SPATA17: variants seen among roughly 807,000 people sequenced by gnomAD.
SPATA17 encodes the protein spermatogenesis associated 17.
In SPATA17, 53 loss-of-function variants were observed where a neutral mutation model predicts 62.2. The observed-to-expected ratio is 0.85, with a 90% CI of 0.68 to 1.07. SPATA17 has a LOEUF of 1.07. SPATA17 is among the 50% of genes least tolerant of loss of function. The probability of loss-of-function intolerance (pLI) is 0.00; values close to 1 mark genes in which losing one functional copy is unlikely to be tolerated. For synonymous variants in SPATA17, 146 were observed against 146.8 expected (o/e 0.99, Z 0.04); for missense variants, 466 against 425.5 (o/e 1.10, Z -0.84).
chr1:217,829,767 C>A (rs979297818), intron 9 of SPATA17, among the ~76,000 whole-genome samples: 1 of 149,468 alleles, frequency 6.7e-6, no homozygotes, highest in Non-Finnish European at 1.5e-5. Context: ...ATTGGGGTGG[C>A]GAGAGAAATA....
chr1:217,791,661 T>G (rs1673996866), intron 8 of SPATA17, among the ~76,000 whole-genome samples: 1 of 152,272 alleles, frequency 6.6e-6, no homozygotes, highest in South Asian at 2.1e-4. Context: ...TGAGAATATG[T>G]ACTTTTAGTA....
At chr1:217,836,234 C>A (rs1675256055) in intron 9 of SPATA17, among the ~76,000 whole-genome samples, 1 of 152,136 alleles carries the variant, frequency 6.6e-6, no homozygotes, top group South Asian at 2.1e-4. Flanking sequence ...AAACTTTTTT[C>A]ACCAAACAGC....
intron 4 of SPATA17, among the ~76,000 whole-genome samples, chr1:217,677,029 T>C (rs934898852): frequency 1.3e-5 from 2 of 152,132 alleles, no homozygotes; most frequent in African/African-American, 4.8e-5. Flanking sequence ...TTTTAAATTA[T>C]TTAACTTGAT....
At chr1:217,787,691 ATCTG>A (rs997387210) in intron 8 of SPATA17, among the ~76,000 whole-genome samples, 64 of 152,168 alleles carry the variant, frequency 4.2e-4, no homozygotes, top group Non-Finnish European at 4.1e-4. Flanking sequence ...TTTTTTGTGT[ATCTG>A]TCCAGGAATT....
chr1:217,774,422 G>A lies in SPATA17; in HGVS notation c.608G>A (p.Arg203Lys), dbSNP rs780679935. 6.2e-7 allele frequency: 1 copy of A among 1,613,954 alleles called. No individual in the cohort carries two copies. ...LQKAKPLTHR[R>K]PKVKQKDSTS... Reference sequence around the variant, plus strand: ...AAGGCAAAGCCTTTAACACACCGAAGACCTAAAGTTAAGCAGAAGGACTCC... The same window carrying A: ...AAGGCAAAGCCTTTAACACACCGAAAACCTAAAGTTAAGCAGAAGGACTCC... Residue 203 changes from arginine to lysine, a missense_variant, in exon 7 of 11, where the codon AGA (arginine) becomes AAA (lysine). Physicochemically the swap from Arg to Lys is conservative, Grantham distance 26. Coordinates refer to ENST00000366933, the MANE Select transcript of SPATA17 (RefSeq NM_138796.4).
intron 1 of SPATA17, among the ~76,000 whole-genome samples, chr1:217,643,541 C>G (rs1670113009): frequency 6.6e-6 from 1 of 152,116 alleles, no homozygotes; most frequent in Non-Finnish European, 1.5e-5. Context: ...CACCTTACCC[C>G]ACACAGGCTC....
chr1:217,830,974 C>T lies in SPATA17; in HGVS notation c.1005+29124C>T, dbSNP rs913424953. On this transcript the variant is annotated intron_variant, in intron 9 of 10. Coordinates refer to ENST00000366933, the MANE Select transcript of SPATA17 (RefSeq NM_138796.4). Reference sequence around the variant, plus strand: ...ATAAAAATAGTGAAAATAGTTTGCACTATTGGTTTTAAGGATACAAATGTT... The same window carrying T: ...ATAAAAATAGTGAAAATAGTTTGCATTATTGGTTTTAAGGATACAAATGTT... Among the ~76,000 whole-genome samples, 13 of 152,154 alleles carry T rather than the reference C, an allele frequency of 8.5e-5. 1 individual carries two copies. The highest frequency in any genetic ancestry group is 2.9e-4 in the African/African-American group (12 of 41,520).
chr1:217,746,201 T>G (rs991088718), intron 6 of SPATA17, among the ~76,000 whole-genome samples: 7 of 152,018 alleles, frequency 4.6e-5, no homozygotes, highest in Admixed American at 4.6e-4. Flanking sequence ...AATTTTAACG[T>G]TCAATGCTTG....
intron 6 of SPATA17, among the ~76,000 whole-genome samples, chr1:217,751,834 G>A (rs1487911721): frequency 6.6e-6 from 1 of 152,032 alleles, no homozygotes; most frequent in Non-Finnish European, 1.5e-5. Context: ...GTAGAAAAGG[G>A]CCTTAGCTCT....
chr1:217,700,191 A>G (rs967754092), intron 5 of SPATA17, among the ~76,000 whole-genome samples: 1 of 152,082 alleles, frequency 6.6e-6, no homozygotes, highest in African/African-American at 2.4e-5. Context: ...ATATATGTCT[A>G]CAAAACACTT....
chr1:217,663,034 TTATAA>T (rs1429809352), intron 3 of SPATA17, among the ~76,000 whole-genome samples: 6 of 152,336 alleles, frequency 3.9e-5, no homozygotes, highest in Non-Finnish European at 4.4e-5. Flanking sequence ...TTTATCATAA[TTATAA>T]TATAAGTTTA....
chr1:217,864,968 C>T (rs891165260), intron 10 of SPATA17, among the ~76,000 whole-genome samples: 1 of 151,438 alleles, frequency 6.6e-6, no homozygotes, highest in Non-Finnish European at 1.5e-5. Context: ...TTAATATTTG[C>T]CAGCTCTTCT....
At chr1:217,741,376 C>T (rs899896790) in intron 5 of SPATA17, among the ~76,000 whole-genome samples, 2 of 152,066 alleles carry the variant, frequency 1.3e-5, no homozygotes, top group Non-Finnish European at 2.9e-5. Flanking sequence ...AAGACTTGCA[C>T]TTTCTCACCT....
intron 9 of SPATA17, among the ~76,000 whole-genome samples, chr1:217,849,324 A>T (rs1431868909): frequency 2.6e-5 from 4 of 152,172 alleles, no homozygotes; most frequent in Non-Finnish European, 4.4e-5. Flanking sequence ...ATGGCCATTC[A>T]GTGTTTCCAA....
intron 1 of SPATA17, among the ~76,000 whole-genome samples, chr1:217,640,790 AG>A (rs1358879465): frequency 2.0e-5 from 3 of 152,116 alleles, no homozygotes; most frequent in Admixed American, 6.6e-5. Flanking sequence ...ATAAGGTATA[AG>A]AAAAGCCCAG....
At chr1:217,818,458 A>G (rs1252779836) in intron 9 of SPATA17, among the ~76,000 whole-genome samples, 1 of 152,098 alleles carries the variant, frequency 6.6e-6, no homozygotes, top group African/African-American at 2.4e-5. Flanking sequence ...GGTATAGCCT[A>G]CTGCTCCTAA....
chr1:217,684,911 T>C (rs1459298493), intron 5 of SPATA17, among the ~76,000 whole-genome samples: 1 of 152,210 alleles, frequency 6.6e-6, no homozygotes, highest in African/African-American at 2.4e-5. Context: ...TATAGAGAAA[T>C]TTGTTAATTT....
intron 9 of SPATA17, among the ~76,000 whole-genome samples, chr1:217,836,441 C>T (rs1383014168): frequency 1.3e-5 from 2 of 152,098 alleles, no homozygotes; most frequent in African/African-American, 2.4e-5. Flanking sequence ...CGGACAAAAG[C>T]TGTGAGTTGT....
At chr1:217,649,123 A>G (rs185461205) in intron 2 of SPATA17, 152 bp downstream of exon 2, 1 of 569,460 alleles carries the variant, frequency 1.8e-6, no homozygotes, top group East Asian at 3.1e-5. Context: ...TAAAAGAAAT[A>G]CATAGTATTT....
Sources: allele counts gnomAD v4.1 joint callset (sites outside exome capture counted in the v4.1 genomes callset), GRCh38; gene constraint gnomAD v4.1.1; transcripts MANE v1.5; gene names NCBI Gene and HGNC (gene_info 2026-07-23, HGNC 2026-07-21).